The following DTD1 variants were observed in gnomAD, a reference collection of about 807,000 sequenced individuals.
DTD1 encodes D-tyrosyl-tRNA deacylase 1 homolog.
A neutral mutation model predicts 25.6 loss-of-function variants in DTD1; 13 were observed. That is an observed-to-expected ratio of 0.51 (90% CI 0.33 to 0.81). The LOEUF (loss-of-function observed/expected upper bound fraction) is 0.81. Ranked by LOEUF, DTD1 falls within the 30% of genes least tolerant of loss-of-function variation. DTD1 has a pLI of 0.02. For synonymous variants in DTD1, 110 were observed against 103.6 expected, an observed-to-expected ratio of 1.06 and a Z score of -0.37; for missense variants, 193 against 266.4, an observed-to-expected ratio of 0.72 and a Z score of 1.92.
At chr20:18,678,073 TAAAAG>T (rs1356453039) in intron 4 of DTD1, among the ~76,000 whole-genome samples, 1 of 152,180 alleles carries the variant, frequency 6.6e-6, no homozygotes, top group Admixed American at 6.5e-5. Context: ...AGTTGGAACA[TAAAAG>T]AAAGGCTTAG....
chr20:18,756,557 T>A (rs2035912168), intron 5 of DTD1, among the ~76,000 whole-genome samples: 1 of 152,238 alleles, frequency 6.6e-6, no homozygotes, highest in South Asian at 2.1e-4. Context: ...TTTTGTCAGT[T>A]TTGTCAAAGA....
intron 3 of DTD1, among the ~76,000 whole-genome samples, chr20:18,624,035 C>T (rs984994067): frequency 1.1e-4 from 17 of 151,908 alleles, no homozygotes; most frequent in Non-Finnish European, 2.1e-4. Context: ...ATGGGGGTGC[C>T]CTGTCAGGGA....
intron 4 of DTD1, among the ~76,000 whole-genome samples, chr20:18,724,484 C>T (rs565797842): frequency 3.9e-5 from 6 of 152,128 alleles, no homozygotes; most frequent in East Asian, 1.9e-4. Flanking sequence ...TAATACTCAT[C>T]GTTTTTTCAA....
At chr20:18,598,574 T>C (rs1235679681) in intron 3 of DTD1, among the ~76,000 whole-genome samples, 1 of 152,056 alleles carries the variant, frequency 6.6e-6, no homozygotes. Flanking sequence ...CTTGGCTCAC[T>C]GCAAGCTCTG....
chr20:18,689,335 T>C (rs889365253), intron 4 of DTD1, among the ~76,000 whole-genome samples: 1 of 152,224 alleles, frequency 6.6e-6, no homozygotes, highest in Non-Finnish European at 1.5e-5. Flanking sequence ...ATATGGAGTT[T>C]GGTGATTTAA....
chr20:18,753,729 C>T (rs1396981959), intron 5 of DTD1, among the ~76,000 whole-genome samples: 4 of 151,906 alleles, frequency 2.6e-5, no homozygotes, highest in Admixed American at 2.6e-4. Context: ...GTTCCTACCA[C>T]TTTCAGGTAA....
At chr20:18,636,349 A>C (rs1407578780) in intron 4 of DTD1, among the ~76,000 whole-genome samples, 2 of 152,214 alleles carry the variant, frequency 1.3e-5, no homozygotes, top group Non-Finnish European at 2.9e-5. Context: ...GGAGCTTCAC[A>C]GTCCCGGGTA....
chr20:18,744,398 C>T, intron 5 of DTD1, 127 bp downstream of exon 5: 1 of 1,049,554 alleles, frequency 9.5e-7, no homozygotes. Flanking sequence ...CTTAAATCTG[C>T]TGCCTTCCAG....
intron 4 of DTD1, among the ~76,000 whole-genome samples, chr20:18,664,379 G>A (rs1397183479): frequency 1.3e-5 from 2 of 152,180 alleles, no homozygotes; most frequent in Non-Finnish European, 2.9e-5. Flanking sequence ...CACTCATAGA[G>A]TCTTCTAGGA....
At chr20:18,622,897 C>T (rs1376925959) in intron 3 of DTD1, among the ~76,000 whole-genome samples, 1 of 150,418 alleles carries the variant, frequency 6.6e-6, no homozygotes, top group Non-Finnish European at 1.5e-5. Context: ...CTGTCCTCTC[C>T]TTCACAGCTG....
chr20:18,625,330 C>T (rs996337565), intron 3 of DTD1, among the ~76,000 whole-genome samples: 13 of 152,222 alleles, frequency 8.5e-5, no homozygotes, highest in African/African-American at 3.1e-4. Flanking sequence ...TTTTCACCAC[C>T]AAGTCACTTA....
chr20:18,689,032 A>G (rs1036116523), intron 4 of DTD1, among the ~76,000 whole-genome samples: 1 of 152,206 alleles, frequency 6.6e-6, no homozygotes, highest in African/African-American at 2.4e-5. Flanking sequence ...TGCATTTCTA[A>G]TACTCGTGCT....
intron 4 of DTD1, among the ~76,000 whole-genome samples, chr20:18,708,297 AAT>A (rs1372422513): frequency 2.3e-4 from 9 of 38,648 alleles, no homozygotes; most frequent in African/African-American, 5.1e-4. Context: ...ATATATATAT[AAT>A]ATATATATTT....
chr20:18,730,004 G>A (rs6136497), intron 4 of DTD1, among the ~76,000 whole-genome samples: 21,850 of 151,872 alleles, frequency 0.14, 1,679 homozygotes, highest in Admixed American at 0.2. Flanking sequence ...GGGCCTGTGT[G>A]TGCTCTCCTG....
chr20:18,596,491 G>A lies in DTD1; in HGVS notation c.370+250G>A, dbSNP rs1039843411. On this transcript the variant is annotated intron_variant, in intron 3 of 5. Transcript: ENST00000377452. ...TTTGAAAATGTTTGGGAACCCAGAG[G>A]TGTGGCTAATACAGTGGTATTTCTT... 3.9e-5 allele frequency among the ~76,000 whole-genome samples: 6 copies of A among 152,092 alleles called. No individual in the cohort carries two copies. The East Asian group carries it at 1.2e-3, about 29-fold the overall frequency.
At chr20:18,641,041 T>C (rs1374215255) in intron 4 of DTD1, among the ~76,000 whole-genome samples, 1 of 152,234 alleles carries the variant, frequency 6.6e-6, no homozygotes, top group Non-Finnish European at 1.5e-5. Flanking sequence ...TAATACTTTC[T>C]GCCTTTTGAA....
intron 3 of DTD1, among the ~76,000 whole-genome samples, chr20:18,597,128 A>C (rs1269123908): frequency 6.8e-6 from 1 of 146,342 alleles, no homozygotes; most frequent in Admixed American, 6.9e-5. Flanking sequence ...AGTCTCATAG[A>C]CTCTCTCTTT....
chr20:18,677,332 C>T (rs764728750), intron 4 of DTD1, among the ~76,000 whole-genome samples: 1 of 151,736 alleles, frequency 6.6e-6, no homozygotes, highest in African/African-American at 2.4e-5. Context: ...CTGAAGAATC[C>T]GTGTTCTCTT....
intron 4 of DTD1, among the ~76,000 whole-genome samples, chr20:18,708,127 A>G (rs777420427): frequency 7.1e-6 from 1 of 141,266 alleles, no homozygotes; most frequent in Non-Finnish European, 1.5e-5. Context: ...GATGTAGTAT[A>G]TAAAGAAGGT....
Sources: gnomAD v4.1 joint callset for allele counts (sites outside exome capture counted in the v4.1 genomes callset) on GRCh38, gnomAD v4.1.1 for gene constraint, MANE v1.5 for transcripts, NCBI Gene and HGNC (gene_info 2026-07-23, HGNC 2026-07-21) for gene names.